CNTN4: variants seen among roughly 807,000 people sequenced by gnomAD.
The protein encoded by CNTN4 is contactin-4.
In CNTN4, 77 loss-of-function variants were observed where a neutral mutation model predicts 122.5. The ratio of observed to expected loss-of-function variants is 0.63; its 90% CI spans 0.52 to 0.76. The LOEUF is 0.76. Among genes scored for constraint, CNTN4 ranks in the 30% least tolerant of loss-of-function variants. CNTN4 has a pLI of 0.00. For missense variants in CNTN4, 1,256 were observed against 1,259.1 expected (o/e 1.00, Z 0.04); for synonymous variants, 512 against 447.0 (o/e 1.15, Z -1.83).
chr3:2,352,279 C>T (rs1486126870), intron 3 of CNTN4, among the ~76,000 whole-genome samples: 2 of 152,152 alleles, frequency 1.3e-5, no homozygotes, highest in African/African-American at 4.8e-5. Flanking sequence ...CAGGCCAAGG[C>T]GTCCACTCTG....
intron 3 of CNTN4, among the ~76,000 whole-genome samples, chr3:2,516,314 G>A (rs73805316): frequency 0.031 from 4,702 of 151,844 alleles, 190 homozygotes; most frequent in African/African-American, 0.092. Context: ...TTTTATCGTC[G>A]TGCATCCATC....
intron 6 of CNTN4, among the ~76,000 whole-genome samples, chr3:2,783,294 A>C (rs1349550776): frequency 2.0e-5 from 3 of 152,164 alleles, no homozygotes; most frequent in Admixed American, 1.3e-4. Context: ...TCTCGAAAAA[A>C]TAAATAAAAA....
chr3:2,720,355 G>C (rs1344998251), intron 4 of CNTN4, among the ~76,000 whole-genome samples: 1 of 152,116 alleles, frequency 6.6e-6, no homozygotes, highest in African/African-American at 2.4e-5. Context: ...CTGTCTGAAG[G>C]TGGCTTTCTT....
At chr3:2,551,198 T>G (rs2078489468) in intron 3 of CNTN4, among the ~76,000 whole-genome samples, 1 of 152,154 alleles carries the variant, frequency 6.6e-6, no homozygotes, top group Non-Finnish European at 1.5e-5. Context: ...CATTAATTCC[T>G]TCAGAACCAG....
intron 7 of CNTN4, among the ~76,000 whole-genome samples, chr3:2,850,437 A>G (rs1205401853): frequency 1.3e-5 from 2 of 151,994 alleles, no homozygotes; most frequent in African/African-American, 4.8e-5. Context: ...TTGTTTATTT[A>G]TTTTTACGTT....
chr3:2,504,670 A>G (rs1404598612), intron 3 of CNTN4, among the ~76,000 whole-genome samples: 1 of 152,238 alleles, frequency 6.6e-6, no homozygotes, highest in Non-Finnish European at 1.5e-5. Flanking sequence ...AAGTTACAAA[A>G]GTAAAATAAT....
chr3:2,589,036 C>G (rs1661061243), intron 4 of CNTN4, among the ~76,000 whole-genome samples: 1 of 152,138 alleles, frequency 6.6e-6, no homozygotes, highest in Non-Finnish European at 1.5e-5. Context: ...GAAAAGCTTT[C>G]TAAGTAGTAA....
At chr3:2,145,788 A>T (rs2035217774) in intron 2 of CNTN4, among the ~76,000 whole-genome samples, 1 of 132,592 alleles carries the variant, frequency 7.5e-6, no homozygotes, top group Non-Finnish European at 1.6e-5. Context: ...GTTTCTCCTT[A>T]TCTACCTTAT....
intron 6 of CNTN4, among the ~76,000 whole-genome samples, chr3:2,758,930 G>A (rs566806297): frequency 2.7e-4 from 41 of 152,162 alleles, no homozygotes; most frequent in African/African-American, 9.9e-4. Context: ...TGTCACCACT[G>A]TCTAATTTCA....
chr3:2,109,617 G>A (rs2125126387), intron 2 of CNTN4, among the ~76,000 whole-genome samples: 1 of 152,278 alleles, frequency 6.6e-6, no homozygotes, highest in African/African-American at 2.4e-5. Context: ...TGGACAAGAA[G>A]ACAATCAAAC....
intron 2 of CNTN4, among the ~76,000 whole-genome samples, chr3:2,242,985 A>T (rs1330578857): frequency 1.3e-5 from 2 of 152,132 alleles, no homozygotes; most frequent in African/African-American, 4.8e-5. Flanking sequence ...TCTTCTTAAA[A>T]TATTTCAGCT....
Position 2,790,754 on chromosome 3 carries a change from A to G in CNTN4, c.359-28732A>G, listed in dbSNP as rs147635938. Reference sequence around the variant, plus strand: ...CAGTTCAGAGGATGACCAATGAGCTATCTTTTTCTGCCATTCATAACTTGT... The same window carrying G: ...CAGTTCAGAGGATGACCAATGAGCTGTCTTTTTCTGCCATTCATAACTTGT... On this transcript the variant is annotated intron_variant, in intron 6 of 24. Transcript: ENST00000418658. 4.6e-3 allele frequency among the ~76,000 whole-genome samples: 697 copies of G among 152,242 alleles called. 2 individuals carry two copies. The highest frequency in any genetic ancestry group is 7.6e-3 in the Non-Finnish European group (518 of 67,976).
intron 9 of CNTN4, among the ~76,000 whole-genome samples, chr3:2,884,997 C>T (rs2093954370): frequency 6.6e-6 from 1 of 152,162 alleles, no homozygotes; most frequent in South Asian, 2.1e-4. Context: ...AGTATAAAGA[C>T]ACCGATTATG....
intron 2 of CNTN4, among the ~76,000 whole-genome samples, chr3:2,260,142 T>G (rs1040875386): frequency 1.3e-5 from 2 of 152,154 alleles, no homozygotes; most frequent in Non-Finnish European, 2.9e-5. Flanking sequence ...GCAATTCTTT[T>G]ACTTTCTACC....
chr3:2,371,545 A>G (rs1435111023), intron 3 of CNTN4, among the ~76,000 whole-genome samples: 1 of 152,156 alleles, frequency 6.6e-6, no homozygotes, highest in African/African-American at 2.4e-5. Flanking sequence ...TGTAACTCAA[A>G]TGTTTATAAT....
intron 4 of CNTN4, among the ~76,000 whole-genome samples, chr3:2,676,516 C>G (rs1559376386): frequency 6.6e-6 from 1 of 152,208 alleles, no homozygotes; most frequent in Non-Finnish European, 1.5e-5. Flanking sequence ...GCCACTGTGC[C>G]TGGCCAAGAC....
At chr3:2,755,695 A>G (rs1250151531) in intron 6 of CNTN4, among the ~76,000 whole-genome samples, 1 of 152,220 alleles carries the variant, frequency 6.6e-6, no homozygotes, top group Non-Finnish European at 1.5e-5. Context: ...GGGGACTGAT[A>G]AAAAGCAGTT....
chr3:2,272,291 A>G (rs1039810709), intron 2 of CNTN4, among the ~76,000 whole-genome samples: 2 of 152,110 alleles, frequency 1.3e-5, no homozygotes, highest in Admixed American at 6.6e-5. Flanking sequence ...CCTTACTAAG[A>G]TTTTTAACAA....
chr3:2,717,356 A>G (rs1293196610), intron 4 of CNTN4, among the ~76,000 whole-genome samples: 1 of 152,150 alleles, frequency 6.6e-6, no homozygotes. Flanking sequence ...GGCTGCCTAC[A>G]TGACCAGCCC....
Sources: allele counts gnomAD v4.1 joint callset (sites outside exome capture counted in the v4.1 genomes callset), GRCh38; gene constraint gnomAD v4.1.1; transcripts MANE v1.5; gene names NCBI Gene and HGNC (gene_info 2026-07-23, HGNC 2026-07-21).